The following DCDC2C variants were observed in gnomAD, a reference collection of about 807,000 sequenced individuals.
DCDC2C encodes the protein doublecortin domain containing 2C.
A neutral mutation model predicts 45.0 loss-of-function variants in DCDC2C; 44 were observed. The ratio of observed to expected loss-of-function variants is 0.98; its 90% CI spans 0.77 to 1.26. DCDC2C has a LOEUF of 1.26. Ranked by LOEUF, DCDC2C falls within the 50% of genes most tolerant of loss-of-function variation. DCDC2C has a pLI of 0.00. For synonymous variants in DCDC2C, 187 were observed against 178.8 expected (o/e 1.05, Z -0.37); for missense variants, 447 against 468.9 (o/e 0.95, Z 0.43).
At chr2:3,792,509 GAT>G (rs1670841563) in intron 10 of DCDC2C, among the ~76,000 whole-genome samples, 1 of 152,110 alleles carries the variant, frequency 6.6e-6, no homozygotes, top group South Asian at 2.1e-4. Flanking sequence ...TAACTTTTAA[GAT>G]ATATGAATTA....
At chr2:3,835,338 G>A (rs1031025689) in intron 10 of DCDC2C, among the ~76,000 whole-genome samples, 2 of 152,116 alleles carry the variant, frequency 1.3e-5, no homozygotes, top group African/African-American at 4.8e-5. Flanking sequence ...GAGATTTGAG[G>A]TGGTTTGCAA....
At chr2:3,779,054 G>A (rs939471796) in intron 9 of DCDC2C, among the ~76,000 whole-genome samples, 170 bp downstream of exon 9, 6 of 152,036 alleles carry the variant, frequency 3.9e-5, no homozygotes, top group South Asian at 2.1e-4. Context: ...GGACACGATC[G>A]GGTTTCCTGT....
intron 1 of DCDC2C, 141 bp from the exon 2 acceptor site, chr2:3,708,408 C>T (rs1055920249): frequency 4.0e-5 from 24 of 598,138 alleles, no homozygotes; most frequent in Middle Eastern, 4.6e-4. Context: ...ATTCTAACAC[C>T]GAGAAAATTT....
At chr2:3,755,321 A>C (rs542911048) in intron 6 of DCDC2C, among the ~76,000 whole-genome samples, 1 of 148,536 alleles carries the variant, frequency 6.7e-6, no homozygotes, top group South Asian at 2.1e-4. Context: ...ACATGTTTGC[A>C]TACGTGCACA....
At chr2:3,739,889 A>G (rs1189662425) in intron 3 of DCDC2C, among the ~76,000 whole-genome samples, 1 of 152,138 alleles carries the variant, frequency 6.6e-6, no homozygotes, top group Non-Finnish European at 1.5e-5. Flanking sequence ...AGCTGGAAAC[A>G]TTTACCCCTA....
chr2:3,755,578 T>C (rs1669686392), intron 6 of DCDC2C, among the ~76,000 whole-genome samples: 1 of 152,070 alleles, frequency 6.6e-6, no homozygotes, highest in Admixed American at 6.5e-5. Flanking sequence ...TATGTGTGTG[T>C]ACATATGGAT....
At chr2:3,713,632 T>A (rs189001241) in intron 2 of DCDC2C, among the ~76,000 whole-genome samples, 15 of 152,296 alleles carry the variant, frequency 9.8e-5, no homozygotes, top group Non-Finnish European at 1.5e-4. Context: ...GGTTTAAGGA[T>A]GTTTACAGTA....
chr2:3,837,282 CTGA>C (rs1170142262), intron 10 of DCDC2C, among the ~76,000 whole-genome samples: 2 of 152,214 alleles, frequency 1.3e-5, no homozygotes, highest in Non-Finnish European at 2.9e-5. Context: ...TTGAATTTTG[CTGA>C]TCAGGCAAAG....
chr2:3,826,813 A>G (rs1671829020), intron 10 of DCDC2C, among the ~76,000 whole-genome samples: 1 of 152,188 alleles, frequency 6.6e-6, no homozygotes, highest in African/African-American at 2.4e-5. Flanking sequence ...CTATGAGATA[A>G]TATGTCCTAT....
intron 2 of DCDC2C, among the ~76,000 whole-genome samples, chr2:3,723,839 C>T (rs1351284431): frequency 2.0e-5 from 3 of 151,976 alleles, no homozygotes; most frequent in African/African-American, 7.3e-5. Context: ...CGGGGTGGCA[C>T]CATTTTCTGA....
At chr2:3,792,823 G>A (rs189505546) in intron 10 of DCDC2C, among the ~76,000 whole-genome samples, 17 of 152,172 alleles carry the variant, frequency 1.1e-4, no homozygotes, top group Admixed American at 7.2e-4. Flanking sequence ...AAAATCAAAC[G>A]TGAAGAGGAA....
chr2:3,715,503 G>A (rs1668325522), intron 2 of DCDC2C, among the ~76,000 whole-genome samples: 1 of 152,090 alleles, frequency 6.6e-6, no homozygotes, highest in Non-Finnish European at 1.5e-5. Flanking sequence ...CAGTTAATGG[G>A]TATGGCTGTA....
At chr2:3,737,056 T>C (rs1291210210) in intron 3 of DCDC2C, among the ~76,000 whole-genome samples, 3 of 152,152 alleles carry the variant, frequency 2.0e-5, no homozygotes, top group Non-Finnish European at 4.4e-5. Context: ...TGATCCCTAA[T>C]GGCTCCATCC....
intron 10 of DCDC2C, among the ~76,000 whole-genome samples, chr2:3,797,296 T>C (rs1670984428): frequency 6.6e-6 from 1 of 151,892 alleles, no homozygotes; most frequent in Non-Finnish European, 1.5e-5. Flanking sequence ...GTCTATCAAT[T>C]TTGTTGATCC....
At chr2:3,728,449 T>C (rs946535818) in intron 3 of DCDC2C, among the ~76,000 whole-genome samples, 4 of 152,218 alleles carry the variant, frequency 2.6e-5, no homozygotes, top group Admixed American at 2.0e-4. Context: ...GGGAACGTCG[T>C]TGGTTTGTGG....
At chr2:3,762,803 T>C (rs1669915446) in intron 6 of DCDC2C, among the ~76,000 whole-genome samples, 1 of 151,982 alleles carries the variant, frequency 6.6e-6, no homozygotes, top group African/African-American at 2.4e-5. Context: ...AAGACGACCT[T>C]TGAGTTGGGT....
chr2:3,757,183 T>C (rs1441429215), intron 6 of DCDC2C, among the ~76,000 whole-genome samples: 1 of 152,250 alleles, frequency 6.6e-6, no homozygotes, highest in African/African-American at 2.4e-5. Flanking sequence ...CCATTTATGA[T>C]AAATGTGTTT....
At chr2:3,837,448 T>G (rs1409584003) in intron 10 of DCDC2C, among the ~76,000 whole-genome samples, 1 of 151,928 alleles carries the variant, frequency 6.6e-6, no homozygotes, top group East Asian at 1.9e-4. Context: ...CAGGGGACAC[T>G]CGGAGGGAAC....
intron 4 of DCDC2C, among the ~76,000 whole-genome samples, chr2:3,746,957 G>A (rs776110257): frequency 1.1e-4 from 16 of 152,184 alleles, no homozygotes; most frequent in Non-Finnish European, 1.8e-4. Flanking sequence ...GCCTGGCCCT[G>A]GGAGCGAGGA....
Sources: gnomAD v4.1 joint callset for allele counts (sites outside exome capture counted in the v4.1 genomes callset) on GRCh38, gnomAD v4.1.1 for gene constraint, MANE v1.5 for transcripts, NCBI Gene and HGNC (gene_info 2026-07-23, HGNC 2026-07-21) for gene names.